The following SGSM2 variants were observed in gnomAD, a reference collection of about 807,000 sequenced individuals.
SGSM2 encodes small G protein signaling modulator 2, also known as RUN and TBC1 domain containing 1.
In SGSM2, 89 loss-of-function variants were observed where a neutral mutation model predicts 126.6. That is an observed-to-expected ratio of 0.70 (90% CI 0.59 to 0.84). The LOEUF is 0.84. Ranked by LOEUF, SGSM2 falls within the 40% of genes least tolerant of loss-of-function variation. The pLI, the probability that SGSM2 is intolerant of heterozygous loss-of-function variation, is 0.00. For synonymous variants in SGSM2, 614 were observed against 574.3 expected (o/e 1.07, Z -0.99); for missense variants, 1,404 against 1,416.6 (o/e 0.99, Z 0.14).
intron 13 of SGSM2, chr17:2,371,827 G>C: frequency 2.6e-6 from 1 of 386,384 alleles, no homozygotes; most frequent in African/African-American, 2.1e-5. Flanking sequence ...TGCCAGGGCA[G>C]TGAGTGAATG....
rs1366468186 is a variant in SGSM2 at position 2,363,204 on chromosome 17, G to A, written c.672+70G>A. 17 of 1,508,166 alleles carry A rather than the reference G, an allele frequency of 1.1e-5. No homozygotes were observed. The highest frequency in any genetic ancestry group is 5.0e-5 in the South Asian group (4 of 80,734). 93.4% of individuals were successfully genotyped at this position (1,508,166 alleles called of 1,614,324 possible). On this transcript the variant is annotated intron_variant, in intron 6 of 23. Transcript: ENST00000268989. The surrounding 1 kb of genome is among the most constrained non-coding windows in gnomAD (Gnocchi z 4.2). ...CATGGGCCTGTAGGGACGGGAAACC[G>A]GCCTCTCTACGGGACAGGCCTTGGA... is the stretch of plus-strand genomic sequence containing the variant.
intron 2 of SGSM2, among the ~76,000 whole-genome samples, chr17:2,360,346 CAAAAAT>C (rs1214331886): frequency 1.3e-5 from 2 of 152,062 alleles, no homozygotes; most frequent in African/African-American, 4.8e-5. Context: ...GTCCCTGTCT[CAAAAAT>C]AAAAATAAAA....
chr17:2,367,414 C>G lies in SGSM2; in HGVS notation c.1423+9C>G. ...TCCCAATCCGATGAAAGGTTCTTAT[C>G]CCTCCCTCTCCCTGACCCACCTCAT... On this transcript the variant is annotated intron_variant, in intron 12 of 23. Coordinates refer to ENST00000268989, the MANE Select transcript of SGSM2 (RefSeq NM_014853.3). The surrounding 1 kb of genome is among the most constrained non-coding windows in gnomAD (Gnocchi z 4.0). The G allele has an allele frequency of 1.9e-6, 3 of 1,610,666 alleles. No homozygotes were observed. Among genetic ancestry groups the G allele is most frequent in the Non-Finnish European group, 2.5e-6 (3 of 1,178,182 alleles).
rs943805595 is a variant in SGSM2 at position 2,337,679 on chromosome 17, C to T, written c.-10C>T. On this transcript the variant is annotated 5_prime_UTR_variant, in exon 1 of 24. Transcript: ENST00000268989. This position sits in a 1 kb window ranked among gnomAD's most constrained non-coding sequence, Gnocchi z 5.1. The stretch of plus-strand genomic sequence containing the variant: ...TCTGAGGACCGCTCGGCGCCGCCTC[C>T]TGCCACACCATGGGCAGCGCAGAGG... 4.0e-6 allele frequency: 6 copies of T among 1,492,884 alleles called. No individual in the cohort carries two copies. The African/African-American group carries it at 8.7e-5, about 22-fold the overall frequency. 92.5% of individuals were successfully genotyped at this position (1,492,884 alleles called of 1,614,324 possible).
Position 2,380,390 on chromosome 17 carries a change from T to C in SGSM2, c.*870T>C. ...GTCGGGGAAGAATCCGGTCACAGCC[T>C]CCCCTCAGAGACAGGCCTCAGTTCG... is the stretch of plus-strand genomic sequence containing the variant. On this transcript the variant is annotated 3_prime_UTR_variant, in exon 24 of 24. Coordinates refer to ENST00000268989, the MANE Select transcript of SGSM2 (RefSeq NM_014853.3). The C allele has an allele frequency of 7.8e-7, 1 of 1,286,930 alleles. No individual in the cohort carries two copies. Among genetic ancestry groups the C allele is most frequent in the Non-Finnish European group, 1.1e-6 (1 of 921,284 alleles). 79.7% of individuals were successfully genotyped at this position (1,286,930 alleles called of 1,614,324 possible). A position where few individuals can be genotyped will look rare whatever the true frequency, so the allele number is the denominator to read the frequency against.
chr17:2,352,907 A>T, intron 2 of SGSM2, among the ~76,000 whole-genome samples: 1 of 138,922 alleles, frequency 7.2e-6, no homozygotes. Context: ...CCTCCCGAGT[A>T]GCTGGGACTA....
intron 2 of SGSM2, among the ~76,000 whole-genome samples, chr17:2,353,020 A>G (rs899622134): frequency 4.6e-4 from 69 of 150,304 alleles, no homozygotes; most frequent in Admixed American, 7.9e-4. Flanking sequence ...CTCGTGATCC[A>G]CCCGCCTCGG....
Position 2,363,729 on chromosome 17 carries a change from C to T in SGSM2, c.807+130C>T. On this transcript the variant is annotated intron_variant, in intron 7 of 23. Transcript: ENST00000268989. The surrounding 1 kb of genome is among the most constrained non-coding windows in gnomAD (Gnocchi z 4.2). Reference sequence around the variant, plus strand: ...GGGGGGGAGAATGGCCCCAGCCTCCCAACTCCCTGTTTCACACGACTCACG... The same window carrying T: ...GGGGGGGAGAATGGCCCCAGCCTCCTAACTCCCTGTTTCACACGACTCACG... 7.5e-7 allele frequency: 1 copy of T among 1,335,664 alleles called. No individual in the cohort carries two copies. 82.7% of individuals were successfully genotyped at this position (1,335,664 alleles called of 1,614,324 possible).
At position 2,343,181 on chromosome 17, in the gene SGSM2, G is replaced by C. The variant is rs374150388; in HGVS notation, c.58-364G>C. On this transcript the variant is annotated intron_variant, in intron 1 of 23. Transcript: ENST00000268989. ...GGGGCAGGTTGTTTATCTGCAGGCTGTACCGAGATGGTTTGTCTCTAAAGG... is the reference window on the plus strand; with the variant it reads ...GGGGCAGGTTGTTTATCTGCAGGCTCTACCGAGATGGTTTGTCTCTAAAGG... Among the ~76,000 whole-genome samples, 43 of 152,246 alleles carry C rather than the reference G, an allele frequency of 2.8e-4. 1 individual carries two copies. In the East Asian group the frequency reaches 7.1e-3, roughly 25 times the overall value.
chr17:2,343,470 C>T, intron 1 of SGSM2, 75 bp from the exon 2 acceptor site: 1 of 1,479,948 alleles, frequency 6.8e-7, no homozygotes, highest in Non-Finnish European at 9.4e-7. Flanking sequence ...AGGGCGGAAC[C>T]AAACTATTTA....
In SGSM2 at chr17:2,363,492, G is replaced by A. The variant is rs753202134; in HGVS notation, c.700G>A (p.Ala234Thr). 7.4e-6 allele frequency: 12 copies of A among 1,613,334 alleles called. No individual in the cohort carries two copies. The highest frequency in any genetic ancestry group is 2.7e-5 in the African/African-American group (2 of 74,946). ...CCGGAAACGGCACTCAAGCGGCAGC[G>A]CGTCGGAGGACAGGCTGGCTGCCTG... ...GIRKRHSSGS[A>T]SEDRLAACAR... Residue 234 changes from alanine (A) to threonine (T), a missense_variant, in exon 7 of 24, where the codon GCG becomes ACG. Coordinates refer to ENST00000268989, the MANE Select transcript of SGSM2 (RefSeq NM_014853.3). The surrounding 1 kb of genome is among the most constrained non-coding windows in gnomAD (Gnocchi z 4.2).
At position 2,365,336 on chromosome 17, in the gene SGSM2, A is replaced by G. The variant is rs1338237514; in HGVS notation, c.1283A>G (p.Glu428Gly). ...FRIIYPGHRHEHITINYHHLA... is the reference protein window; with the variant it reads ...FRIIYPGHRHGHITINYHHLA... ...ATCATCTACCCCGGCCACAGGCACG[A>G]GCACAGTGAGTGTCCCGAGCTTCAT... is the stretch of plus-strand genomic sequence containing the variant. Residue 428 changes from glutamate to glycine, a missense_variant, in exon 11 of 24, where the codon GAG becomes GGG. Transcript: ENST00000268989. The G allele has an allele frequency of 1.3e-6, 2 of 1,554,818 alleles. No homozygotes were observed. The highest frequency in any genetic ancestry group is 1.7e-6 in the Non-Finnish European group (2 of 1,147,476).
rs2066340947 is a variant in SGSM2 at position 2,379,876 on chromosome 17, G to A, written c.*356G>A. ...CCTGGGGCCCCACAGGATTAACAGG[G>A]GCTATAGCGGCCTGGGCCCTACTCA... is the stretch of plus-strand genomic sequence containing the variant. On this transcript the variant is annotated 3_prime_UTR_variant, in exon 24 of 24. Coordinates refer to ENST00000268989, the MANE Select transcript of SGSM2 (RefSeq NM_014853.3). 3 of 1,303,000 alleles carry A rather than the reference G, an allele frequency of 2.3e-6. No individual in the cohort carries two copies. Among genetic ancestry groups the A allele is most frequent in the Middle Eastern group, 3.0e-4 (1 of 3,354 alleles). 80.7% of individuals were successfully genotyped at this position (1,303,000 alleles called of 1,614,324 possible).
chr17:2,338,786 T>TATATATATATATATATATATATAA (rs1481763507), intron 1 of SGSM2, among the ~76,000 whole-genome samples: 71 of 149,716 alleles, frequency 4.7e-4, no homozygotes, highest in African/African-American at 1.3e-3. Context: ...TATATATATA[T>TATATATATATATATATATATATAA]ATAACCTCAC....
At chr17:2,340,707 T>C (rs562895897) in intron 1 of SGSM2, among the ~76,000 whole-genome samples, 169 of 151,846 alleles carry the variant, frequency 1.1e-3, no homozygotes, top group Middle Eastern at 3.4e-3. Flanking sequence ...GCCTCAGCCT[T>C]CTGAGTAGCT....
intron 2 of SGSM2, among the ~76,000 whole-genome samples, chr17:2,352,533 G>A (rs1475432986): frequency 1.3e-5 from 2 of 152,144 alleles, no homozygotes; most frequent in African/African-American, 4.8e-5. Context: ...CCAGTTTCAT[G>A]TTGAGTTGTG....
At chr17:2,376,084 C>G in intron 18 of SGSM2, 53 bp from the exon 19 acceptor site, 1 of 1,611,450 alleles carries the variant, frequency 6.2e-7, no homozygotes, top group South Asian at 1.1e-5. Context: ...CTCCTGCCCC[C>G]AGCCTGGGAA....
intron 2 of SGSM2, among the ~76,000 whole-genome samples, chr17:2,355,318 G>A (rs1383104519): frequency 4.6e-5 from 3 of 64,570 alleles, no homozygotes; most frequent in Non-Finnish European, 1.0e-4. Flanking sequence ...TTAGAATGGT[G>A]GAATCGGGGT....
In SGSM2 at chr17:2,337,551, G is replaced by A. The variant is rs577044048; in HGVS notation, c.-138G>A. On this transcript the variant is annotated 5_prime_UTR_variant, in exon 1 of 24. Coordinates refer to ENST00000268989, the MANE Select transcript of SGSM2 (RefSeq NM_014853.3). The surrounding 1 kb of genome is among the most constrained non-coding windows in gnomAD (Gnocchi z 5.1). ...GAGCCGAGCACCGGGCAGTGGCTGC[G>A]GCGGCGGCGGCGGCGGCGGGCCGGG... The A allele has an allele frequency of 2.6e-5, 6 of 233,424 alleles. No individual in the cohort carries two copies. The South Asian group carries it at 7.0e-4, about 27-fold the overall frequency. 14.5% of individuals were successfully genotyped at this position (233,424 alleles called of 1,614,324 possible). A position where few individuals can be genotyped will look rare whatever the true frequency, so the allele number is the denominator to read the frequency against.
Sources: allele counts gnomAD v4.1 joint callset (sites outside exome capture counted in the v4.1 genomes callset), GRCh38; gene constraint gnomAD v4.1.1; non-coding constraint Gnocchi (gnomAD v3.1); transcripts MANE v1.5; gene names NCBI Gene and HGNC (gene_info 2026-07-23, HGNC 2026-07-21).